Variants in NHS observed in about 807,000 individuals in gnomAD.
NHS encodes the protein actin remodeling regulator NHS.
Under a neutral mutation model 72.5 loss-of-function variants are expected in NHS, and 5 were observed. That is an observed-to-expected ratio of 0.07 (90% CI 0.04 to 0.14). The LOEUF (loss-of-function observed/expected upper bound fraction) is 0.14, where lower values mean the gene tolerates loss of function less well. Ranked by LOEUF, NHS falls within the 10% of genes least tolerant of loss-of-function variation. The pLI, the probability that NHS is intolerant of heterozygous loss-of-function variation, is 1.00. For synonymous variants in NHS, 464 were observed against 547.7 expected (o/e 0.85, Z 2.13); for missense variants, 1,072 against 1,355.7 (o/e 0.79, Z 3.29).
rs757328991 is a variant in NHS, at chrX:17,652,318, T to C, written c.566-35424T>C. Among the ~76,000 whole-genome samples the C allele has an allele frequency of 2.7e-5, 3 of 112,763 alleles. No individual in the cohort carries two copies. The South Asian group carries it at 1.1e-3, about 41-fold the overall frequency. On this transcript the variant is annotated intron_variant, in intron 1 of 8. Transcript: ENST00000676302. ...ATGTTTATTGCAGCACTAATTGCAA[T>C]AGCCAAGATATGAAATCAACTTATG...
chrX:17,429,496 T>C (rs1160872479), intron 1 of NHS, among the ~76,000 whole-genome samples: 1 of 111,555 alleles, frequency 9.0e-6, no homozygotes, highest in Non-Finnish European at 1.9e-5. Context: ...TTCTGTTTTT[T>C]GTCTGAAACA....
At chrX:17,391,847 T>C (rs2064447089) in intron 1 of NHS, among the ~76,000 whole-genome samples, 1 of 112,032 alleles carries the variant, frequency 8.9e-6, no homozygotes, top group South Asian at 3.8e-4. Flanking sequence ...TTTGTGAGAC[T>C]GTCTGTATCT....
chrX:17,688,487 G>A (rs2066177001), intron 2 of NHS, among the ~76,000 whole-genome samples: 1 of 111,726 alleles, frequency 9.0e-6, no homozygotes, highest in Non-Finnish European at 1.9e-5. Context: ...GTCATCTTTG[G>A]CTCCCATCCA....
At chrX:17,716,534 C>T (rs756492116) in intron 3 of NHS, among the ~76,000 whole-genome samples, 14 of 111,024 alleles carry the variant, frequency 1.3e-4, no homozygotes, top group Non-Finnish European at 2.4e-4. Flanking sequence ...TTGTCTGTGG[C>T]TGATTTTTAG....
chrX:17,655,056 G>A (rs1601819842), intron 1 of NHS, among the ~76,000 whole-genome samples: 1 of 112,170 alleles, frequency 8.9e-6, no homozygotes, highest in African/African-American at 3.2e-5. Context: ...TCTAGGATGC[G>A]AGGTTTCAGC....
At chrX:17,603,997 C>T (rs1210049748) in intron 1 of NHS, among the ~76,000 whole-genome samples, 2 of 111,123 alleles carry the variant, frequency 1.8e-5, no homozygotes, top group Non-Finnish European at 3.8e-5. Flanking sequence ...TTATGAATAT[C>T]ACTTAAACAA....
intron 1 of NHS, among the ~76,000 whole-genome samples, chrX:17,574,649 G>T (rs1318513511): frequency 8.9e-6 from 1 of 112,161 alleles, no homozygotes; most frequent in East Asian, 2.8e-4. Flanking sequence ...GACCCCTTGT[G>T]CTTCCTAGGT....
intron 1 of NHS, among the ~76,000 whole-genome samples, chrX:17,500,725 G>A (rs972010193): frequency 1.8e-5 from 2 of 111,843 alleles, no homozygotes; most frequent in Non-Finnish European, 3.8e-5. Context: ...AGAAGAGAAT[G>A]ACAAGGGTTC....
rs1245912864 is a variant in NHS, at chrX:17,733,765, A to G, written c.*1301A>G. The G allele has an allele frequency of 8.9e-6, 1 of 112,103 alleles. No homozygotes were observed. Among genetic ancestry groups the G allele is most frequent in the Non-Finnish European group, 1.9e-5 (1 of 53,214 alleles). The allele number at this position is 112,103 out of a possible 1,213,427, so 9.2% of individuals were successfully genotyped here. A position where few individuals can be genotyped will look rare whatever the true frequency, so the allele number is the denominator to read the frequency against. On this transcript the variant is annotated 3_prime_UTR_variant, in exon 9 of 9. Coordinates refer to ENST00000676302, the MANE Select transcript of NHS (RefSeq NM_001291867.2). ...TGGGAATGGGGAACAGCTCTGGTTC[A>G]CAATACTACATACAACTGAGTTTTT...
At chrX:17,567,847 G>A (rs1320126871) in intron 1 of NHS, among the ~76,000 whole-genome samples, 1 of 111,032 alleles carries the variant, frequency 9.0e-6, no homozygotes, top group African/African-American at 3.3e-5. Flanking sequence ...AAAAGAAAGA[G>A]GGAGAGAAAA....
intron 1 of NHS, among the ~76,000 whole-genome samples, chrX:17,516,637 T>C (rs1262992020): frequency 4.8e-5 from 5 of 103,306 alleles, no homozygotes; most frequent in Non-Finnish European, 9.8e-5. Context: ...TTGTTACCAA[T>C]GTGTTATTTT....
At chrX:17,469,460 A>G (rs763818281) in intron 1 of NHS, among the ~76,000 whole-genome samples, 1 of 111,740 alleles carries the variant, frequency 8.9e-6, no homozygotes, top group Non-Finnish European at 1.9e-5. Context: ...CAGAACATGT[A>G]TCTGGCTGGT....
intron 1 of NHS, among the ~76,000 whole-genome samples, chrX:17,615,204 G>A (rs765242991): frequency 2.4e-4 from 19 of 79,844 alleles, no homozygotes; most frequent in African/African-American, 1.0e-3. Context: ...ACATATATAC[G>A]TATATATATA....
At chrX:17,601,729 C>T (rs1055573431) in intron 1 of NHS, among the ~76,000 whole-genome samples, 3 of 111,638 alleles carry the variant, frequency 2.7e-5, no homozygotes, top group Non-Finnish European at 3.8e-5. Context: ...AGTCCGCAAA[C>T]GATAATTCAT....
chrX:17,536,182 C>T (rs924864366), intron 1 of NHS, among the ~76,000 whole-genome samples: 7 of 111,524 alleles, frequency 6.3e-5, no homozygotes, highest in Admixed American at 4.7e-4. Context: ...AGTGAAACCC[C>T]GTCTCTGCTA....
At chrX:17,453,989 C>A (rs1388717649) in intron 1 of NHS, among the ~76,000 whole-genome samples, 1 of 112,103 alleles carries the variant, frequency 8.9e-6, no homozygotes, top group East Asian at 2.8e-4. Context: ...CACCCACACC[C>A]ATGGTATGTC....
intron 1 of NHS, among the ~76,000 whole-genome samples, chrX:17,592,533 A>G (rs765730914): frequency 1.0e-3 from 113 of 112,224 alleles, no homozygotes; most frequent in Non-Finnish European, 1.8e-3. Context: ...TCCCATTTTA[A>G]CATCGTCTCA....
chrX:17,549,779 C>A (rs1280433496), intron 1 of NHS, among the ~76,000 whole-genome samples: 1 of 110,781 alleles, frequency 9.0e-6, no homozygotes, highest in Non-Finnish European at 1.9e-5. Flanking sequence ...GATGAGGGAC[C>A]GGAGGGAGCA....
At chrX:17,639,450 G>T (rs369788779) in intron 1 of NHS, among the ~76,000 whole-genome samples, 1 of 111,271 alleles carries the variant, frequency 9.0e-6, no homozygotes, top group African/African-American at 3.3e-5. Context: ...GTTGCATCTG[G>T]TTGGCTTCTG....
Sources: gnomAD v4.1 joint callset for allele counts (sites outside exome capture counted in the v4.1 genomes callset) on GRCh38, gnomAD v4.1.1 for gene constraint, MANE v1.5 for transcripts, NCBI Gene and HGNC (gene_info 2026-07-23, HGNC 2026-07-21) for gene names.